The following KIAA1328 variants were observed in gnomAD, a reference collection of about 807,000 sequenced individuals.
KIAA1328 encodes KIAA1328.
KIAA1328 carries 52 observed loss-of-function variants against 68.1 expected under a neutral mutation model. The ratio of observed to expected loss-of-function variants is 0.76; its 90% CI spans 0.61 to 0.96. The LOEUF (loss-of-function observed/expected upper bound fraction) is 0.96. Ranked by LOEUF, KIAA1328 falls within the 40% of genes least tolerant of loss-of-function variation. The pLI, the probability that KIAA1328 is intolerant of heterozygous loss-of-function variation, is 0.00. For synonymous variants in KIAA1328, 232 were observed against 239.4 expected, an observed-to-expected ratio of 0.97 and a Z score of 0.28; for missense variants, 641 against 677.6, an observed-to-expected ratio of 0.95 and a Z score of 0.60.
At chr18:36,829,437 C>G in intron 1 of KIAA1328, 2 of 1,311,754 alleles carry the variant, frequency 1.5e-6, no homozygotes. Context: ...GCGCTCACTA[C>G]CGGTGAGCTC....
rs538087498 is a variant in KIAA1328 at position 37,033,729 on chromosome 18, A to C, written c.577-33161A>C. 9.2e-5 allele frequency among the ~76,000 whole-genome samples: 14 copies of C among 152,318 alleles called. No individual in the cohort carries two copies. In the East Asian group the frequency reaches 2.7e-3, roughly 29 times the overall value. On this transcript the variant is annotated intron_variant, in intron 6 of 9. Coordinates refer to ENST00000280020, the MANE Select transcript of KIAA1328 (RefSeq NM_020776.3). ...TTTCTGTGTAGCACTCTCTTTTCTA[A>C]GGATTCTGTCATGCCATTTCTGGCC...
At chr18:37,047,063 C>A (rs748441626) in intron 6 of KIAA1328, among the ~76,000 whole-genome samples, 1 of 152,152 alleles carries the variant, frequency 6.6e-6, no homozygotes, top group Admixed American at 6.5e-5. Flanking sequence ...ACCGAAATCG[C>A]GCCACTGCAC....
intron 1 of KIAA1328, chr18:36,832,664 C>T (rs958076839): frequency 1.3e-5 from 2 of 151,248 alleles, no homozygotes; most frequent in South Asian, 2.1e-4. Flanking sequence ...TTGGACAACA[C>T]CTCATAAAAT....
At chr18:37,204,778 AAAC>A in intron 9 of KIAA1328, among the ~76,000 whole-genome samples, 2 of 151,822 alleles carry the variant, frequency 1.3e-5, no homozygotes, top group African/African-American at 4.8e-5. Flanking sequence ...AAAAAAAAAA[AAAC>A]ACCTCTCAAG....
intron 7 of KIAA1328, among the ~76,000 whole-genome samples, chr18:37,105,389 G>C (rs368475194): frequency 3.0e-4 from 46 of 151,786 alleles, no homozygotes; most frequent in African/African-American, 9.7e-4. Context: ...TAATAAGGAG[G>C]CTGAGATGGG....
chr18:36,958,691 CT>C lies in KIAA1328; in HGVS notation c.449-612del, dbSNP rs2095485533. 2.0e-5 allele frequency among the ~76,000 whole-genome samples: 3 copies of C among 152,210 alleles called. No individual in the cohort carries two copies. In the South Asian group the frequency reaches 6.2e-4, roughly 32 times the overall value. On this transcript the variant is annotated intron_variant, in intron 5 of 9. Coordinates refer to ENST00000280020, the MANE Select transcript of KIAA1328 (RefSeq NM_020776.3). ...CCCACTTTTAAATTGTACTAATTATCTTTTTATTGTTTAGTTGTACAAGTTG... is the reference window on the plus strand; with the variant it reads ...CCCACTTTTAAATTGTACTAATTATCTTTTATTGTTTAGTTGTACAAGTTG...
chr18:37,112,847 C>T (rs546698813), intron 7 of KIAA1328, among the ~76,000 whole-genome samples: 42 of 152,180 alleles, frequency 2.8e-4, no homozygotes, highest in African/African-American at 1.0e-3. Context: ...ATGGCACAAA[C>T]ACTACGTGAT....
At chr18:36,945,310 T>G (rs1031992318) in intron 5 of KIAA1328, among the ~76,000 whole-genome samples, 2 of 152,168 alleles carry the variant, frequency 1.3e-5, no homozygotes, top group Non-Finnish European at 2.9e-5. Context: ...TTAATTATAT[T>G]AAGAACCATT....
At chr18:36,885,463 C>G in intron 4 of KIAA1328, 94 bp from the exon 5 acceptor site, 1 of 661,414 alleles carries the variant, frequency 1.5e-6, no homozygotes, top group African/African-American at 1.9e-5. Flanking sequence ...TTCGGCATAC[C>G]TTTGGAAGAA....
intron 7 of KIAA1328, among the ~76,000 whole-genome samples, chr18:37,141,899 T>G (rs2058773599): frequency 6.6e-6 from 1 of 152,250 alleles, no homozygotes; most frequent in Non-Finnish European, 1.5e-5. Context: ...CAGTTTTAAT[T>G]GGATAAACAA....
At chr18:37,200,023 A>G (rs2060078745) in intron 9 of KIAA1328, among the ~76,000 whole-genome samples, 1 of 152,248 alleles carries the variant, frequency 6.6e-6, no homozygotes, top group Non-Finnish European at 1.5e-5. Flanking sequence ...AGAAGAAAGT[A>G]TGTCCCAGTG....
intron 7 of KIAA1328, among the ~76,000 whole-genome samples, chr18:37,108,095 C>G (rs908205475): frequency 6.6e-5 from 10 of 152,122 alleles, no homozygotes; most frequent in African/African-American, 2.4e-4. Flanking sequence ...CTGCACTATT[C>G]ACAATAGCAA....
chr18:36,906,301 A>G (rs1302353574), intron 5 of KIAA1328, among the ~76,000 whole-genome samples: 1 of 152,152 alleles, frequency 6.6e-6, no homozygotes, highest in Non-Finnish European at 1.5e-5. Context: ...TATCATACAG[A>G]ACTAATCTAC....
chr18:37,021,432 A>G (rs1348310513), intron 6 of KIAA1328, among the ~76,000 whole-genome samples: 1 of 152,214 alleles, frequency 6.6e-6, no homozygotes, highest in Non-Finnish European at 1.5e-5. Flanking sequence ...TTCAATCAAT[A>G]TGTTCTTATA....
In KIAA1328 at chr18:36,844,307, G is replaced by C. The variant is rs1462230120; in HGVS notation, c.332+5G>C. ...CTTAATTAAAGAACTGGCCAGGTGA[G>C]ATAAAACCTTATATGAAATGATTTA... On this transcript the variant is annotated splice_donor_5th_base_variant and intron_variant, in intron 4 of 9. Coordinates refer to ENST00000280020, the MANE Select transcript of KIAA1328 (RefSeq NM_020776.3). The C allele has an allele frequency of 6.5e-7, 1 of 1,548,752 alleles. No homozygotes were observed. The highest frequency in any genetic ancestry group is 8.7e-7 in the Non-Finnish European group (1 of 1,143,134).
intron 6 of KIAA1328, among the ~76,000 whole-genome samples, chr18:36,982,837 G>C (rs8094959): frequency 0.73 from 111,137 of 151,786 alleles, 43,830 homozygotes; most frequent in South Asian, 0.89. Flanking sequence ...AAATGTATAA[G>C]AAATATTGCA....
chr18:37,070,644 C>T (rs2056491677), intron 7 of KIAA1328, among the ~76,000 whole-genome samples: 1 of 150,636 alleles, frequency 6.6e-6, no homozygotes, highest in South Asian at 2.1e-4. Context: ...CATGTTGGCT[C>T]ACTGCAACCT....
chr18:37,222,127 G>A lies in KIAA1328; in HGVS notation c.1634G>A (p.Arg545Gln), dbSNP rs765530488. The A allele has an allele frequency of 4.8e-5, 78 of 1,612,194 alleles. No homozygotes were observed. Among genetic ancestry groups the A allele is most frequent in the Non-Finnish European group, 6.1e-5 (72 of 1,179,242 alleles). Residue 545 changes from arginine to glutamine, a missense_variant, in exon 10 of 10, where the codon CGA becomes CAA. Coordinates refer to ENST00000280020, the MANE Select transcript of KIAA1328 (RefSeq NM_020776.3). ...EAGAWNHGTF[R>Q]LSPLKSTRKK... ...GGGGCCTGGAATCATGGTACTTTCC[G>A]ACTCAGTCCTCTAAAATCAACCCGG...
intron 7 of KIAA1328, among the ~76,000 whole-genome samples, chr18:37,141,222 A>G (rs1011883473): frequency 4.6e-5 from 7 of 152,306 alleles, no homozygotes; most frequent in Middle Eastern, 3.4e-3. Context: ...CACCCCACAA[A>G]GCACCTTATA....
Sources: gnomAD v4.1 joint callset for allele counts (sites outside exome capture counted in the v4.1 genomes callset) on GRCh38, gnomAD v4.1.1 for gene constraint, MANE v1.5 for transcripts, NCBI Gene and HGNC (gene_info 2026-07-23, HGNC 2026-07-21) for gene names.